MAPT: variants seen among roughly 807,000 people sequenced by gnomAD.
MAPT encodes the protein microtubule-associated protein tau.
In MAPT, 34 loss-of-function variants were observed where a neutral mutation model predicts 67.9. The ratio of observed to expected loss-of-function variants is 0.50; its 90% CI spans 0.38 to 0.67. The LOEUF (loss-of-function observed/expected upper bound fraction) is 0.67. MAPT is among the 30% of genes least tolerant of loss of function. The probability of loss-of-function intolerance (pLI) is 0.00; values close to 1 mark genes in which losing one functional copy is unlikely to be tolerated. For synonymous variants in MAPT, 456 were observed against 464.5 expected (o/e 0.98, Z 0.23); for missense variants, 881 against 1,115.2 (o/e 0.79, Z 2.99).
At chr17:45,902,615 G>A (rs979889147) in intron 1 of MAPT, among the ~76,000 whole-genome samples, 4 of 152,108 alleles carry the variant, frequency 2.6e-5, no homozygotes, top group East Asian at 1.9e-4. Context: ...CATTCTCCCC[G>A]CCCATCTTCT....
chr17:45,902,153 C>T (rs372775446), intron 1 of MAPT, among the ~76,000 whole-genome samples: 11 of 152,198 alleles, frequency 7.2e-5, no homozygotes, highest in South Asian at 4.2e-4. Context: ...TGGCTCACTG[C>T]GACCTCCACC....
intron 3 of MAPT, chr17:45,972,770 G>T (rs2071852587): frequency 6.5e-6 from 1 of 154,100 alleles, no homozygotes; most frequent in Non-Finnish European, 1.4e-5. Context: ...AAGTTGCAAA[G>T]TAAAGTGGCC....
At chr17:46,016,385 C>T (rs1464868926) in intron 11 of MAPT, among the ~76,000 whole-genome samples, 2 of 139,524 alleles carry the variant, frequency 1.4e-5, no homozygotes, top group Admixed American at 1.4e-4. Flanking sequence ...AGTGAGACTC[C>T]GTCTCAAAAA....
At chr17:45,923,283 T>A (rs115976876) in intron 1 of MAPT, among the ~76,000 whole-genome samples, 278 of 152,316 alleles carry the variant, frequency 1.8e-3, no homozygotes, top group African/African-American at 5.5e-3. Flanking sequence ...CAGGAGCCTT[T>A]GAGAATCAGA....
chr17:45,903,805 T>C lies in MAPT; in HGVS notation c.-18+9119T>C, dbSNP rs2063799879. 4.6e-5 allele frequency among the ~76,000 whole-genome samples: 2 copies of C among 43,944 alleles called. 1 individual carries two copies. The highest frequency in any genetic ancestry group is 8.7e-5 in the Non-Finnish European group (2 of 22,960). The allele number at this position is 43,944 out of a possible 152,430, so 28.8% of individuals were successfully genotyped here. The stretch of plus-strand genomic sequence containing the variant: ...TTAAAATATAATATATATATTTATA[T>C]AATATAATATATAAATATATTATAT... On this transcript the variant is annotated intron_variant, in intron 1 of 12. Coordinates refer to ENST00000262410, the MANE Select transcript of MAPT (RefSeq NM_001377265.1).
chr17:45,904,330 T>TAA (rs1471402406), intron 1 of MAPT, among the ~76,000 whole-genome samples: 25 of 44,450 alleles, frequency 5.6e-4, no homozygotes, highest in Non-Finnish European at 9.4e-4. Flanking sequence ...TAATATATAT[T>TAA]ATATATTATA....
intron 1 of MAPT, among the ~76,000 whole-genome samples, chr17:45,953,030 G>GATGATA (rs1230671473): frequency 2.0e-5 from 3 of 151,990 alleles, no homozygotes; most frequent in Admixed American, 2.0e-4. Flanking sequence ...TGATGATGAT[G>GATGATA]ATGACACCTA....
chr17:45,911,592 C>A (rs2064796534), intron 1 of MAPT, among the ~76,000 whole-genome samples: 1 of 151,728 alleles, frequency 6.6e-6, no homozygotes, highest in Admixed American at 6.6e-5. Flanking sequence ...GAGACCCTGT[C>A]TCTACAAAAA....
chr17:45,991,559 C>T lies in MAPT; in HGVS notation c.1705C>T (p.Pro569Ser), dbSNP rs2074057816. The change falls in exon 8 of 13, where the codon CCC becomes TCC. Residue 569 changes from proline (P) to serine (S), a missense_variant. Transcript: ENST00000262410. ...NATRIPAKTP[P>S]APKTPPSSGE... ...CACCAGGATTCCAGCAAAAACCCCGCCCGCTCCAAAGACACCACCCAGCTC... is the reference window on the plus strand; with the variant it reads ...CACCAGGATTCCAGCAAAAACCCCGTCCGCTCCAAAGACACCACCCAGCTC... The T allele has an allele frequency of 6.2e-7, 1 of 1,614,018 alleles. No individual in the cohort carries two copies. The highest frequency in any genetic ancestry group is 1.7e-5 in the Admixed American group (1 of 60,010).
At chr17:46,012,385 C>T (rs972960555) in intron 10 of MAPT, among the ~76,000 whole-genome samples, 2 of 152,120 alleles carry the variant, frequency 1.3e-5, no homozygotes, top group Non-Finnish European at 2.9e-5. Flanking sequence ...CTGTGTCCCG[C>T]GCTCTGCTTG....
intron 5 of MAPT, among the ~76,000 whole-genome samples, chr17:45,986,570 T>A (rs1378431520): frequency 6.6e-6 from 1 of 152,166 alleles, no homozygotes; most frequent in African/African-American, 2.4e-5. Flanking sequence ...ACCCCCATCC[T>A]TGGATCTTGC....
At chr17:45,932,378 G>A (rs1419975600) in intron 1 of MAPT, among the ~76,000 whole-genome samples, 2 of 151,764 alleles carry the variant, frequency 1.3e-5, no homozygotes, top group Admixed American at 1.3e-4. Flanking sequence ...ATCATCTGAG[G>A]TCAGGAGTTC....
intron 2 of MAPT, among the ~76,000 whole-genome samples, chr17:45,963,950 G>C (rs898993444): frequency 1.3e-5 from 2 of 152,190 alleles, no homozygotes; most frequent in Non-Finnish European, 2.9e-5. Context: ...GTAGGTGAAG[G>C]AAGACATGGG....
At position 45,904,108 on chromosome 17, in the gene MAPT, ATATATAT is replaced by A. The variant is rs1244926729; in HGVS notation, c.-18+9444_-18+9450del. ...ATATATTTATATATTATATATATTT[ATATATAT>A]TATATATTATATATTATATATGTAT... On this transcript the variant is annotated intron_variant, in intron 1 of 12. Transcript: ENST00000262410. 4.9e-3 allele frequency among the ~76,000 whole-genome samples: 126 copies of A among 25,570 alleles called. 10 individuals are homozygous for A. In the South Asian group the frequency reaches 0.094, roughly 19 times the overall value. 16.8% of individuals were successfully genotyped at this position (25,570 alleles called of 152,430 possible).
chr17:45,911,356 G>T (rs1029813580), intron 1 of MAPT, among the ~76,000 whole-genome samples: 1 of 152,252 alleles, frequency 6.6e-6, no homozygotes, highest in Non-Finnish European at 1.5e-5. Context: ...GGCCACACTG[G>T]TGAGTGGCTG....
intron 1 of MAPT, among the ~76,000 whole-genome samples, chr17:45,950,391 ACT>A (rs1568221383): frequency 6.6e-6 from 1 of 151,476 alleles, no homozygotes; most frequent in Non-Finnish European, 1.5e-5. Flanking sequence ...TGCTGCAAAG[ACT>A]CTATTCTTTG....
chr17:45,985,345 T>C (rs1369323586), intron 5 of MAPT, among the ~76,000 whole-genome samples: 3 of 152,040 alleles, frequency 2.0e-5, no homozygotes, highest in African/African-American at 4.8e-5. Context: ...GAAAAAAATA[T>C]ATCCTATATC....
At chr17:45,990,689 C>T (rs1250687313) in intron 7 of MAPT, among the ~76,000 whole-genome samples, 2 of 152,210 alleles carry the variant, frequency 1.3e-5, no homozygotes, top group South Asian at 2.1e-4. Context: ...TTCCAGATTG[C>T]CCTGATCTGG....
At chr17:45,946,772 CAA>C (rs1454097618) in intron 1 of MAPT, among the ~76,000 whole-genome samples, 1 of 151,616 alleles carries the variant, frequency 6.6e-6, no homozygotes, top group Non-Finnish European at 1.5e-5. Flanking sequence ...TTAAAACAAA[CAA>C]ACAACACAAC....
Sources: gnomAD v4.1 joint callset for allele counts (sites outside exome capture counted in the v4.1 genomes callset) on GRCh38, gnomAD v4.1.1 for gene constraint, MANE v1.5 for transcripts, NCBI Gene and HGNC (gene_info 2026-07-23, HGNC 2026-07-21) for gene names.